The following CEP164 variants were observed in gnomAD, a reference collection of about 807,000 sequenced individuals.
The protein encoded by CEP164 is centrosomal protein of 164 kDa.
In CEP164, 162 loss-of-function variants were observed where a neutral mutation model predicts 182.7. The ratio of observed to expected loss-of-function variants is 0.89; its 90% CI spans 0.78 to 1.01. CEP164 has a LOEUF of 1.01. Among genes scored for constraint, CEP164 ranks in the 50% least tolerant of loss-of-function variants. The pLI is 0.00. For synonymous variants in CEP164, 661 were observed against 690.0 expected, an observed-to-expected ratio of 0.96 and a Z score of 0.66; for missense variants, 1,735 against 1,790.4, an observed-to-expected ratio of 0.97 and a Z score of 0.56.
At chr11:117,323,118 C>T (rs1437152249), upstream of CEP164, among the ~76,000 whole-genome samples, 1 of 152,054 alleles carries the variant, frequency 6.6e-6, no homozygotes, top group Non-Finnish European at 1.5e-5. Context: ...CCAGGCTGGT[C>T]TTGAACTCCT....
Position 117,411,600 on chromosome 11 carries a change from C to T in CEP164, c.4164-195C>T. 1.5e-6 allele frequency: 1 copy of T among 674,470 alleles called. No homozygotes were observed. The highest frequency in any genetic ancestry group is 2.4e-6 in the Non-Finnish European group (1 of 421,796). 41.8% of individuals were successfully genotyped at this position (674,470 alleles called of 1,614,324 possible). A position where few individuals can be genotyped will look rare whatever the true frequency, so the allele number is the denominator to read the frequency against. ...CACCCAGCAAGGGGGCAGAGGGCCT[C>T]CACCACTTTCCCGTTTGGGAACTGT... On this transcript the variant is annotated intron_variant, in intron 31 of 32. Transcript: ENST00000278935. This position sits in a 1 kb window ranked among gnomAD's most constrained non-coding sequence, Gnocchi z 4.4.
In CEP164 at chr11:117,411,268, T is replaced by G; in HGVS notation, c.4163+374T>G. 3.9e-6 allele frequency: 1 copy of G among 258,752 alleles called. No individual in the cohort carries two copies. Among genetic ancestry groups the G allele is most frequent in the African/African-American group, 2.2e-5 (1 of 46,416 alleles). 16.0% of individuals were successfully genotyped at this position (258,752 alleles called of 1,614,324 possible). On this transcript the variant is annotated intron_variant, in intron 31 of 32. Coordinates refer to ENST00000278935, the MANE Select transcript of CEP164 (RefSeq NM_014956.5). The surrounding 1 kb of genome is among the most constrained non-coding windows in gnomAD (Gnocchi z 4.4). Reference sequence around the variant, plus strand: ...TTTGTCTTTGCCCTTGAGCTCTTGTTTGCTTCCTGTGGCTCCCTTATTCCC... The same window carrying G: ...TTTGTCTTTGCCCTTGAGCTCTTGTGTGCTTCCTGTGGCTCCCTTATTCCC...
chr11:117,410,902 T>TC lies in CEP164; in HGVS notation c.4163+11dup. 1 of 1,611,424 alleles carries TC rather than the reference T, an allele frequency of 6.2e-7. No homozygotes were observed. The highest frequency in any genetic ancestry group is 8.5e-7 in the Non-Finnish European group (1 of 1,178,586). On this transcript the variant is annotated intron_variant, in intron 31 of 32. Coordinates refer to ENST00000278935, the MANE Select transcript of CEP164 (RefSeq NM_014956.5). ...GGGTTACATGTCTGCCAGGTGAGCC[T>TC]CCCTGGGGGCTGGTTGGGGTGGAAC...
chr11:117,383,672 C>T (rs754195204), intron 14 of CEP164, among the ~76,000 whole-genome samples: 9 of 152,118 alleles, frequency 5.9e-5, no homozygotes, highest in South Asian at 4.1e-4. Context: ...AGTTTTCAGA[C>T]GAGGAAACTG....
intron 5 of CEP164, among the ~76,000 whole-genome samples, chr11:117,360,325 G>A (rs1209456397): frequency 6.6e-6 from 1 of 152,054 alleles, no homozygotes; most frequent in Non-Finnish European, 1.5e-5. Context: ...GTGTCACCAT[G>A]TCCAGCAAAT....
intron 27 of CEP164, among the ~76,000 whole-genome samples, chr11:117,399,119 A>G (rs2045859471): frequency 6.6e-6 from 1 of 152,110 alleles, no homozygotes; most frequent in South Asian, 2.1e-4. Context: ...ATTTCTCCTA[A>G]TGCTATCCCT....
intron 17 of CEP164, among the ~76,000 whole-genome samples, chr11:117,391,765 C>T (rs2044685226): frequency 6.6e-6 from 1 of 152,198 alleles, no homozygotes; most frequent in South Asian, 2.1e-4. Context: ...GGTTTTAGCA[C>T]AGTCTCTCTG....
rs750885584 is a variant in CEP164, at chr11:117,409,639, C to T, written c.3770C>T (p.Thr1257Ile). 1.4e-5 allele frequency: 22 copies of T among 1,609,810 alleles called. No homozygotes were observed. Among genetic ancestry groups the T allele is most frequent in the Non-Finnish European group, 1.7e-5 (20 of 1,176,614 alleles). ...TCAGTCGACTCAACCCCGAGTCTCA[C>T]CTCCCGCAAGATCCACGGGCTTAGC... ...QQRIDSTPSLTSRKIHGLSHS... is the reference protein window; with the variant it reads ...QQRIDSTPSLISRKIHGLSHS... The change falls in exon 30 of 33, where the codon ACC becomes ATC. Residue 1257 changes from threonine to isoleucine, a missense_variant. Physicochemically the swap from Thr to Ile is moderately conservative, Grantham distance 89. Coordinates refer to ENST00000278935, the MANE Select transcript of CEP164 (RefSeq NM_014956.5). This position sits in a 1 kb window ranked among gnomAD's most constrained non-coding sequence, Gnocchi z 4.4.
chr11:117,390,511 C>T (rs1307619434), intron 15 of CEP164, among the ~76,000 whole-genome samples: 2 of 151,842 alleles, frequency 1.3e-5, no homozygotes, highest in Non-Finnish European at 2.9e-5. Flanking sequence ...TGGTGCATGC[C>T]TGTGGTCCCA....
intron 10 of CEP164, among the ~76,000 whole-genome samples, chr11:117,374,750 TCACC>T (rs1443484848): frequency 1.3e-5 from 2 of 152,234 alleles, no homozygotes; most frequent in Admixed American, 1.3e-4. Flanking sequence ...TCTAAAGCAG[TCACC>T]CATGTGGAGA....
chr11:117,372,159 G>A (rs2042269120), intron 9 of CEP164, among the ~76,000 whole-genome samples: 1 of 145,020 alleles, frequency 6.9e-6, no homozygotes, highest in South Asian at 2.2e-4. Context: ...CCCAGCTAGA[G>A]TGCAGTGGTG....
At chr11:117,333,200 G>GAT (rs2036491914) in intron 1 of CEP164, among the ~76,000 whole-genome samples, 1 of 70,458 alleles carries the variant, frequency 1.4e-5, no homozygotes, top group Non-Finnish European at 2.9e-5. Context: ...TTTTTGTAGA[G>GAT]ACGGTCTCAC....
At chr11:117,345,439 C>T (rs1018061491) in intron 4 of CEP164, among the ~76,000 whole-genome samples, 1 of 152,180 alleles carries the variant, frequency 6.6e-6, no homozygotes, top group African/African-American at 2.4e-5. Context: ...AAGTGAGTGC[C>T]ATGAATTTAC....
At chr11:117,379,122 G>T (rs2043050117) in intron 11 of CEP164, among the ~76,000 whole-genome samples, 1 of 152,232 alleles carries the variant, frequency 6.6e-6, no homozygotes. Context: ...AGGAAAGGCT[G>T]CGTGCCCTGC....
Position 117,351,929 on chromosome 11 carries a change from A to T in CEP164, c.334A>T (p.Lys112Ter). The change falls in exon 5 of 33, where the codon AAG becomes TAG. Residue 112 changes from lysine to a stop codon, truncating the protein, a stop_gained. Coordinates refer to ENST00000278935, the MANE Select transcript of CEP164 (RefSeq NM_014956.5). LOFTEE classifies it high-confidence loss of function. ...GTCAACTTCTGGGGCCATTAAGAAGAAGAAAAAAAAAAAGGAAAAGAAAGA... is the reference window on the plus strand; with the variant it reads ...GTCAACTTCTGGGGCCATTAAGAAGTAGAAAAAAAAAAAGGAAAAGAAAGA... ...KLSTSGAIKK[K>*]KKKKEKKDKK... 6.2e-7 allele frequency: 1 copy of T among 1,612,974 alleles called. No individual in the cohort carries two copies. Among genetic ancestry groups the T allele is most frequent in the Non-Finnish European group, 8.5e-7 (1 of 1,179,584 alleles).
In CEP164 at chr11:117,389,022, G is replaced by C. The variant is rs186558423; in HGVS notation, c.1934+1610G>C. On this transcript the variant is annotated intron_variant, in intron 15 of 32. Transcript: ENST00000278935. ...CCTGACCTGATGATCCGCCTGCCTC[G>C]GCCTCCCAAAGTGCTGGGATTACAG... Among the ~76,000 whole-genome samples, 575 of 151,842 alleles carry C rather than the reference G, an allele frequency of 3.8e-3. 8 individuals carry two copies. The highest frequency in any genetic ancestry group is 0.014 in the African/African-American group (560 of 41,410).
intron 14 of CEP164, 107 bp downstream of exon 14, chr11:117,383,049 G>C: frequency 3.1e-6 from 4 of 1,293,732 alleles, no homozygotes; most frequent in Non-Finnish European, 4.2e-6. Flanking sequence ...CTCTGGCCAA[G>C]GGTTAGAGTG....
chr11:117,394,926 A>T lies in CEP164; in HGVS notation c.2767A>T (p.Lys923Ter). 1 of 1,614,094 alleles carries T rather than the reference A, an allele frequency of 6.2e-7. No homozygotes were observed. Among genetic ancestry groups the T allele is most frequent in the Non-Finnish European group, 8.5e-7 (1 of 1,179,994 alleles). ...LRRRHREQERKLQDLELDLET... is the reference protein window; with the variant it reads ...LRRRHREQER ...TGTTTCCCTTTCTGGGCAGGAAAGGAAGCTCCAGGATTTAGAGTTGGACCT... is the reference window on the plus strand; with the variant it reads ...TGTTTCCCTTTCTGGGCAGGAAAGGTAGCTCCAGGATTTAGAGTTGGACCT... Residue 923 changes from lysine (K) to a stop codon, truncating the protein, a stop_gained, in exon 22 of 33, where the codon AAG becomes TAG. Transcript: ENST00000278935. LOFTEE classifies it high-confidence loss of function. This position sits in a 1 kb window ranked among gnomAD's most constrained non-coding sequence, Gnocchi z 4.0.
At chr11:117,351,738 T>TC (rs1230202541) in intron 4 of CEP164, 52 bp from the exon 5 acceptor site, 2 of 1,500,722 alleles carry the variant, frequency 1.3e-6, no homozygotes, top group Admixed American at 4.1e-5. Context: ...CTTTTTTTTT[T>TC]CTTCTTTTGT....
Sources: gnomAD v4.1 joint callset for allele counts (sites outside exome capture counted in the v4.1 genomes callset) on GRCh38, gnomAD v4.1.1 for gene constraint, Gnocchi (gnomAD v3.1) non-coding constraint, MANE v1.5 for transcripts, NCBI Gene and HGNC (gene_info 2026-07-23, HGNC 2026-07-21) for gene names.